Variants in CEP350 observed in about 807,000 individuals in gnomAD.
CEP350 encodes the protein centrosome-associated protein 350.
A neutral mutation model predicts 331.8 loss-of-function variants in CEP350; 126 were observed. The observed-to-expected ratio is 0.38, with a 90% CI of 0.33 to 0.44. The LOEUF is 0.44. CEP350 is among the 20% of genes least tolerant of loss of function. The pLI is 1.00. For synonymous variants in CEP350, 1,200 were observed against 1,259.5 expected, an observed-to-expected ratio of 0.95 and a Z score of 1.00; for missense variants, 3,406 against 3,634.6, an observed-to-expected ratio of 0.94 and a Z score of 1.62.
rs761562578 is a variant in CEP350, at chr1:180,031,355, C to T, written c.3586C>T (p.Leu1196Phe). 3.1e-6 allele frequency: 5 copies of T among 1,607,180 alleles called. No individual in the cohort carries two copies. Among genetic ancestry groups the T allele is most frequent in the Middle Eastern group, 1.6e-4 (1 of 6,068 alleles). ...ATTCACTGGAAATGTTCAGAACTCA[C>T]TTCTTGATGAGGAAAAAGCAGAACG... is the stretch of plus-strand genomic sequence containing the variant. ...DSFTGNVQNSLLDEEKAERGS... is the reference protein window; with the variant it reads ...DSFTGNVQNSFLDEEKAERGS... The change falls in exon 15 of 38, where the codon CTT becomes TTT. Residue 1196 changes from leucine to phenylalanine, a missense_variant. Leu to Phe is a conservative substitution (Grantham distance 22). This residue lies in a region of CEP350 where 1,857 missense variants were observed against 1,909.2 expected (regional missense o/e 0.97). Coordinates refer to ENST00000367607, the MANE Select transcript of CEP350 (RefSeq NM_014810.5).
At chr1:179,955,205 C>T (rs181853337) in intron 1 of CEP350, 63 bp downstream of exon 1, 30 of 1,234,044 alleles carry the variant, frequency 2.4e-5, no homozygotes, top group Admixed American at 2.2e-4. Flanking sequence ...TGTCTCTGTC[C>T]GCGGTCCCGG....
intron 1 of CEP350, among the ~76,000 whole-genome samples, chr1:179,984,339 A>G (rs764852140): frequency 3.9e-5 from 6 of 152,216 alleles, no homozygotes; most frequent in African/African-American, 7.2e-5. Flanking sequence ...TTTTGGCTCA[A>G]TGTCTCTCAT....
In CEP350 at chr1:180,111,091, C is replaced by G. The variant is rs773262904; in HGVS notation, c.9284C>G (p.Thr3095Ser). 80 of 1,613,922 alleles carry G rather than the reference C, an allele frequency of 5.0e-5. No homozygotes were observed. In the East Asian group the frequency reaches 1.7e-3, roughly 35 times the overall value. Residue 3095 changes from threonine to serine, a missense_variant, in exon 38 of 38, where the codon ACC becomes AGC. Around this residue, in one of 5 missense-constraint regions of CEP350, gnomAD observed 29 missense variants for 52.8 expected, o/e 0.55. Transcript: ENST00000367607. ...KMQLADGIFE[T>S]LIKDTIDVLN... ...CAGCTAGCCGACGGGATCTTTGAGACCCTGATCAAAGATACTATTGATGTT... is the reference window on the plus strand; with the variant it reads ...CAGCTAGCCGACGGGATCTTTGAGAGCCTGATCAAAGATACTATTGATGTT...
intron 27 of CEP350, among the ~76,000 whole-genome samples, chr1:180,065,760 C>A (rs567416036): frequency 6.6e-6 from 1 of 151,424 alleles, no homozygotes; most frequent in African/African-American, 2.4e-5. Flanking sequence ...CCTGTCCCCC[C>A]CCAAAAAAAA....
chr1:180,090,545 C>CAAAAAAAAAA (rs36128628), intron 32 of CEP350, among the ~76,000 whole-genome samples, 169 bp from the exon 33 acceptor site: 3 of 77,378 alleles, frequency 3.9e-5, no homozygotes, highest in East Asian at 4.5e-4. Flanking sequence ...GACTCCGTCT[C>CAAAAAAAAAA]AAAAAAAAAA....
At chr1:180,065,028 G>A in intron 26 of CEP350, 87 bp from the exon 27 acceptor site, 1 of 1,339,296 alleles carries the variant, frequency 7.5e-7, no homozygotes, top group Non-Finnish European at 9.8e-7. Flanking sequence ...TTGTATTGTG[G>A]ATAAACTTAA....
intron 28 of CEP350, among the ~76,000 whole-genome samples, chr1:180,077,128 G>T (rs1459836255): frequency 2.6e-5 from 4 of 152,140 alleles, no homozygotes; most frequent in Admixed American, 1.3e-4. Context: ...AGGTAATCCA[G>T]AATTTACATG....
At chr1:179,982,095 C>T (rs1022728329) in intron 1 of CEP350, among the ~76,000 whole-genome samples, 1 of 152,120 alleles carries the variant, frequency 6.6e-6, no homozygotes, top group Non-Finnish European at 1.5e-5. Flanking sequence ...ATTGAAAAAG[C>T]ACATAAATGT....
chr1:180,095,006 TG>T (rs1660400943), intron 34 of CEP350: 2 of 186,936 alleles, frequency 1.1e-5, no homozygotes, highest in African/African-American at 4.7e-5. Context: ...AATTCTTTTT[TG>T]CCTGTGAAAT....
At chr1:179,962,150 T>C (rs1008764423) in intron 1 of CEP350, among the ~76,000 whole-genome samples, 10 of 151,830 alleles carry the variant, frequency 6.6e-5, no homozygotes, top group Non-Finnish European at 5.9e-5. Flanking sequence ...CCCGGCCCTT[T>C]CCCACTTTTG....
Position 180,020,538 on chromosome 1 carries a change from C to T in CEP350, c.2764C>T (p.Leu922Phe). ...AGGCAATCTTAGTGAATTTAAAAAG[C>T]TTCCTGAGATGATAAGACCACAGAG... Reference protein sequence around the residue: ...GVGNLSEFKKLPEMIRPQSAI... With the variant: ...GVGNLSEFKKFPEMIRPQSAI... The change falls in exon 12 of 38, where the codon CTT becomes TTT. Residue 922 changes from leucine (L) to phenylalanine (F), a missense_variant. Leu to Phe is a conservative substitution (Grantham distance 22). This residue lies in a region of CEP350 where 1,857 missense variants were observed against 1,909.2 expected (regional missense o/e 0.97). Coordinates refer to ENST00000367607, the MANE Select transcript of CEP350 (RefSeq NM_014810.5). The T allele has an allele frequency of 2.5e-6, 4 of 1,613,768 alleles. No individual in the cohort carries two copies. Among genetic ancestry groups the T allele is most frequent in the Non-Finnish European group, 3.4e-6 (4 of 1,179,876 alleles).
intron 9 of CEP350, among the ~76,000 whole-genome samples, chr1:180,013,436 G>C (rs1421118520): frequency 6.6e-6 from 1 of 152,034 alleles, no homozygotes; most frequent in Non-Finnish European, 1.5e-5. Context: ...CCATTTCCTT[G>C]CTTCTCATTG....
chr1:179,979,882 A>G (rs1191957713), intron 1 of CEP350, among the ~76,000 whole-genome samples: 1 of 151,982 alleles, frequency 6.6e-6, no homozygotes, highest in Non-Finnish European at 1.5e-5. Flanking sequence ...GTTCTGTTCC[A>G]TTGGTCTATA....
At chr1:180,033,726 A>T (rs1470210129) in intron 15 of CEP350, 136 bp from the exon 16 acceptor site, 3 of 810,798 alleles carry the variant, frequency 3.7e-6, no homozygotes, top group Non-Finnish European at 5.8e-6. Flanking sequence ...TGATTATATT[A>T]ATGAATAAAT....
At chr1:180,044,850 G>T (rs887483549) in intron 21 of CEP350, among the ~76,000 whole-genome samples, 4 of 143,964 alleles carry the variant, frequency 2.8e-5, no homozygotes, top group African/African-American at 1.0e-4. Flanking sequence ...TAAAAAAAAA[G>T]AATAATTAAA....
At position 179,990,579 on chromosome 1, in the gene CEP350, A is replaced by T; in HGVS notation, c.193A>T (p.Lys65Ter). 6.2e-7 allele frequency: 1 copy of T among 1,605,626 alleles called. No homozygotes were observed. The highest frequency in any genetic ancestry group is 8.5e-7 in the Non-Finnish European group (1 of 1,175,316). ...TAVCDSVMDT[K>*]KSSTSATRKI... ...TGTGTGTGATTCTGTCATGGATACC[A>T]AGAAGTCTTCTACAAGTGCTACTCG... Residue 65 changes from lysine to a stop codon, truncating the protein, a stop_gained, in exon 4 of 38, where the codon AAG becomes TAG. Coordinates refer to ENST00000367607, the MANE Select transcript of CEP350 (RefSeq NM_014810.5). LOFTEE classifies it high-confidence loss of function.
At chr1:180,017,463 A>G (rs1655046210) in intron 11 of CEP350, among the ~76,000 whole-genome samples, 1 of 152,160 alleles carries the variant, frequency 6.6e-6, no homozygotes. Flanking sequence ...TGTCAGACAT[A>G]CCCTGCTATA....
At chr1:180,026,148 A>G (rs1481521362) in intron 14 of CEP350, among the ~76,000 whole-genome samples, 1 of 151,998 alleles carries the variant, frequency 6.6e-6, no homozygotes, top group Non-Finnish European at 1.5e-5. Flanking sequence ...GTGGGTGCCT[A>G]TAATCCCAGC....
intron 25 of CEP350, among the ~76,000 whole-genome samples, chr1:180,056,404 A>G (rs533725721): frequency 2.9e-4 from 39 of 134,224 alleles, no homozygotes; most frequent in South Asian, 9.5e-4. Context: ...AGCTTCTTGT[A>G]TTGGTTTTTT....
Sources: allele counts gnomAD v4.1 joint callset (sites outside exome capture counted in the v4.1 genomes callset), GRCh38; gene constraint gnomAD v4.1.1; regional missense constraint gnomAD v4.1.1; transcripts MANE v1.5; gene names NCBI Gene and HGNC (gene_info 2026-07-23, HGNC 2026-07-21).